The following CCDC171 variants were observed in gnomAD, a reference collection of about 807,000 sequenced individuals.
CCDC171 encodes coiled-coil domain-containing protein 171.
In CCDC171, 177 loss-of-function variants were observed where a neutral mutation model predicts 168.2. The observed-to-expected ratio is 1.05, with a 90% confidence interval of 0.93 to 1.19. The LOEUF is 1.19. Ranked by LOEUF, CCDC171 falls within the 50% of genes most tolerant of loss-of-function variation. The pLI, the probability that CCDC171 is intolerant of heterozygous loss-of-function variation, is 0.00. For missense variants in CCDC171, 1,991 were observed against 1,539.0 expected (o/e 1.29, Z -4.91); for synonymous variants, 687 against 540.8 (o/e 1.27, Z -3.75).
At chr9:15,648,196 A>AAT in intron 7 of CCDC171, among the ~76,000 whole-genome samples, 1 of 152,340 alleles carries the variant, frequency 6.6e-6, no homozygotes, top group Admixed American at 6.5e-5. Context: ...AAAATTCAAC[A>AAT]GCCCTTCATG....
intron 2 of CCDC171, among the ~76,000 whole-genome samples, chr9:15,566,491 G>A (rs1316866236): frequency 2.0e-5 from 3 of 152,162 alleles, no homozygotes; most frequent in African/African-American, 7.2e-5. Flanking sequence ...GCTGGGAGGC[G>A]GAGATTGCAG....
chr9:15,904,410 T>C (rs1822199918), intron 24 of CCDC171, among the ~76,000 whole-genome samples: 1 of 152,070 alleles, frequency 6.6e-6, no homozygotes, highest in African/African-American at 2.4e-5. Context: ...GAATTTCTTA[T>C]CCAGCCAAAC....
In CCDC171 at chr9:15,594,062, C is replaced by T. The variant is rs145201633; in HGVS notation, c.565C>T (p.Arg189Trp). 3.5e-5 allele frequency: 55 copies of T among 1,589,144 alleles called. No homozygotes were observed. Among genetic ancestry groups the T allele is most frequent in the African/African-American group, 6.8e-5 (5 of 73,626 alleles). Residue 189 changes from arginine to tryptophan, a missense_variant, in exon 6 of 26, where the codon CGG becomes TGG. Transcript: ENST00000380701. ...TLQEALEKHQ[R>W]EKNEMESHIR... Reference sequence around the variant, plus strand: ...AAAGGAAGCGTTGGAAAAACATCAACGGGAGAAGAATGAGATGGAGTCTCA... The same window carrying T: ...AAAGGAAGCGTTGGAAAAACATCAATGGGAGAAGAATGAGATGGAGTCTCA...
At chr9:15,940,926 C>T (rs142268357) in intron 25 of CCDC171, among the ~76,000 whole-genome samples, 1 of 151,988 alleles carries the variant, frequency 6.6e-6, no homozygotes, top group Non-Finnish European at 1.5e-5. Flanking sequence ...GCTATATGAT[C>T]TTGGGTGATT....
At chr9:15,598,481 A>G (rs1344984279) in intron 6 of CCDC171, among the ~76,000 whole-genome samples, 1 of 152,000 alleles carries the variant, frequency 6.6e-6, no homozygotes, top group Non-Finnish European at 1.5e-5. Flanking sequence ...CTTAATCCTG[A>G]GTTCTAGTTT....
chr9:15,605,864 A>G (rs886224142), intron 6 of CCDC171, among the ~76,000 whole-genome samples: 16 of 152,122 alleles, frequency 1.1e-4, no homozygotes, highest in Non-Finnish European at 2.4e-4. Context: ...TTTGATGTTC[A>G]TACCTTATTC....
At chr9:15,843,929 TC>T (rs1465582448) in intron 21 of CCDC171, among the ~76,000 whole-genome samples, 2 of 152,162 alleles carry the variant, frequency 1.3e-5, no homozygotes, top group African/African-American at 4.8e-5. Context: ...ATCTCGCTGT[TC>T]CAGGCTCAGC....
At chr9:15,618,221 C>A (rs1038146503) in intron 6 of CCDC171, among the ~76,000 whole-genome samples, 1 of 152,194 alleles carries the variant, frequency 6.6e-6, no homozygotes, top group Non-Finnish European at 1.5e-5. Flanking sequence ...ATGCCCTGCC[C>A]AGTGAGGAGG....
At chr9:15,646,578 GA>G (rs1426628615) in intron 7 of CCDC171, among the ~76,000 whole-genome samples, 3 of 151,376 alleles carry the variant, frequency 2.0e-5, no homozygotes, top group African/African-American at 4.8e-5. Context: ...AAATGGAAAA[GA>G]AAAAAAGTGG....
At chr9:15,683,102 A>C (rs978496791) in intron 10 of CCDC171, among the ~76,000 whole-genome samples, 1 of 151,966 alleles carries the variant, frequency 6.6e-6, no homozygotes, top group African/African-American at 2.4e-5. Flanking sequence ...TTTTCCTGCC[A>C]CTCAGTAATA....
chr9:15,586,550 G>A (rs1484419264), intron 4 of CCDC171, among the ~76,000 whole-genome samples: 1 of 152,148 alleles, frequency 6.6e-6, no homozygotes, highest in African/African-American at 2.4e-5. Flanking sequence ...AGATACCATT[G>A]GAATTATGTA....
At chr9:15,583,209 G>T (rs2041271813) in intron 4 of CCDC171, among the ~76,000 whole-genome samples, 1 of 152,116 alleles carries the variant, frequency 6.6e-6, no homozygotes, top group African/African-American at 2.4e-5. Flanking sequence ...CAGGTCAAGA[G>T]ATTGAGACCA....
At chr9:15,646,583 A>T (rs1487888508) in intron 7 of CCDC171, among the ~76,000 whole-genome samples, 4 of 152,196 alleles carry the variant, frequency 2.6e-5, no homozygotes, top group Non-Finnish European at 5.9e-5. Context: ...GAAAAGAAAA[A>T]AAGTGGGGGT....
intron 6 of CCDC171, among the ~76,000 whole-genome samples, chr9:15,622,630 C>G (rs2044595871): frequency 6.6e-6 from 1 of 152,124 alleles, no homozygotes; most frequent in Admixed American, 6.5e-5. Flanking sequence ...GTTAACTTTA[C>G]TTTTGAACTT....
At chr9:16,031,441 C>G (rs1457121922) in intron 6 of CCDC171, among the ~76,000 whole-genome samples, 1 of 152,222 alleles carries the variant, frequency 6.6e-6, no homozygotes, top group Non-Finnish European at 1.5e-5. Context: ...CAGATACACT[C>G]TTCACTGTAG....
At chr9:15,681,771 A>T (rs1242178782) in intron 10 of CCDC171, among the ~76,000 whole-genome samples, 1 of 152,114 alleles carries the variant, frequency 6.6e-6, no homozygotes, top group Non-Finnish European at 1.5e-5. Context: ...CTAGTTCTGC[A>T]TTCACAGTCT....
intron 3 of CCDC171, among the ~76,000 whole-genome samples, chr9:16,004,847 G>T (rs575948664): frequency 1.3e-5 from 2 of 152,006 alleles, no homozygotes; most frequent in African/African-American, 4.8e-5. Flanking sequence ...GGAAGTGGTA[G>T]ATCTCATTTC....
intron 23 of CCDC171, among the ~76,000 whole-genome samples, chr9:15,871,214 T>A (rs1446684954): frequency 6.6e-6 from 1 of 151,766 alleles, no homozygotes; most frequent in Non-Finnish European, 1.5e-5. Context: ...ATAACAGATT[T>A]ATATTGGGAA....
chr9:15,564,700 TA>T (rs1389634501), intron 2 of CCDC171, among the ~76,000 whole-genome samples: 1 of 152,242 alleles, frequency 6.6e-6, no homozygotes, highest in Admixed American at 6.5e-5. Flanking sequence ...GTGGAGTCTA[TA>T]ATACAAAACT....
Sources: allele counts gnomAD v4.1 joint callset (sites outside exome capture counted in the v4.1 genomes callset), GRCh38; gene constraint gnomAD v4.1.1; transcripts MANE v1.5; gene names NCBI Gene and HGNC (gene_info 2026-07-23, HGNC 2026-07-21).